The following NBPF10 variants were observed in gnomAD, a reference collection of about 807,000 sequenced individuals.
NBPF10 encodes NBPF member 10.
NBPF10 carries 63 observed loss-of-function variants against 77.9 expected under a neutral mutation model. The observed-to-expected ratio is 0.81, with a 90% CI of 0.66 to 1.00. The LOEUF is 1.00. NBPF10 is among the 50% of genes least tolerant of loss of function. The pLI is 0.00. For synonymous variants in NBPF10, 146 were observed against 264.5 expected, an observed-to-expected ratio of 0.55 and a Z score of 4.35; for missense variants, 522 against 679.8, an observed-to-expected ratio of 0.77 and a Z score of 2.58.
intron 89 of NBPF10, 145 bp from the exon 90 acceptor site, chr1:146,066,706 C>A (rs868973184): frequency 8.6e-6 from 5 of 582,394 alleles, no homozygotes; most frequent in African/African-American, 7.7e-5. Context: ...AATTTATTGC[C>A]TTTATGTTGG....
At chr1:146,126,463 G>T in intron 13 of NBPF10, 55 bp from the exon 14 acceptor site, 5 of 778,558 alleles carry the variant, frequency 6.4e-6, no homozygotes, top group Admixed American at 3.6e-5. Flanking sequence ...AAACCACACA[G>T]CCCCAGCTAG....
At chr1:146,069,311 G>T (rs1553779213) in intron 86 of NBPF10, among the ~76,000 whole-genome samples, 1 of 91,624 alleles carries the variant, frequency 1.1e-5, no homozygotes, top group Admixed American at 1.1e-4. Flanking sequence ...CTTGAGAGTA[G>T]GATTAGGGCG....
At chr1:146,135,719 T>C (rs4143502) in intron 7 of NBPF10, among the ~76,000 whole-genome samples, 198 bp from the exon 8 acceptor site, 23 of 145,088 alleles carry the variant, frequency 1.6e-4, no homozygotes, top group South Asian at 7.0e-4. Context: ...GAGAGGGCTC[T>C]TGCAAGATCC....
At chr1:146,139,095 T>A (rs1295934894) in intron 5 of NBPF10, among the ~76,000 whole-genome samples, 36 of 25,134 alleles carry the variant, frequency 1.4e-3, no homozygotes, top group African/African-American at 3.1e-3. Flanking sequence ...AGACTTACTT[T>A]TTTTTTTTTT....
In NBPF10 at chr1:146,123,101, C is replaced by T; in HGVS notation, c.2476+5G>A. 6.7e-5 allele frequency: 1 copy of T among 14,822 alleles called. No individual in the cohort carries two copies. Among genetic ancestry groups the T allele is most frequent in the Non-Finnish European group, 1.4e-4 (1 of 7,180 alleles). The allele number at this position is 14,822 out of a possible 1,614,324, so 0.9% of individuals were successfully genotyped here. A position where few individuals can be genotyped will look rare whatever the true frequency, so the allele number is the denominator to read the frequency against. ...TTCTTATCACCTTCATAGAAAGGTA[C>T]TCACCTCCCACGTCAAGAGAAAAGC... is the stretch of plus-strand genomic sequence containing the variant. On this transcript the variant is annotated splice_donor_5th_base_variant and intron_variant, in intron 18 of 89. Transcript: ENST00000583866.
At chr1:146,066,617 C>T (rs1157558628) in intron 89 of NBPF10, 56 bp from the exon 90 acceptor site, 6 of 533,726 alleles carry the variant, frequency 1.1e-5, no homozygotes, top group African/African-American at 6.9e-5. Flanking sequence ...CACCACAGAG[C>T]CCCAGCTAGA....
At chr1:146,123,565 C>T (rs1209370622) in intron 17 of NBPF10, among the ~76,000 whole-genome samples, 135 of 100,912 alleles carry the variant, frequency 1.3e-3, no homozygotes, top group Middle Eastern at 4.5e-3. Context: ...GTCCAGGTGA[C>T]GCACTGATGA....
At chr1:146,126,305 A>T (rs782809264) in exon 14 of NBPF10, 2 of 1,565,524 alleles carry the variant, frequency 1.3e-6, no homozygotes, top group African/African-American at 2.7e-5. Context: ...TAGGGCTGGC[A>T]TGAGTCAGTC....
At position 146,121,827 on chromosome 1, in the gene NBPF10, C is replaced by T. The variant is rs1320359406; in HGVS notation, c.2586-157G>A. 7.4e-5 allele frequency among the ~76,000 whole-genome samples: 11 copies of T among 149,370 alleles called. No individual in the cohort carries two copies. The East Asian group carries it at 2.3e-3, about 31-fold the overall frequency. ...TTATTGCCTTTATGTTGGGATAGAA[C>T]AGGGCCAGGTAGAAAACAATGAAAG... On this transcript the variant is annotated intron_variant, in intron 19 of 89. Transcript: ENST00000583866.
At chr1:146,125,798 T>G (rs1658533282) in intron 14 of NBPF10, among the ~76,000 whole-genome samples, 4 of 147,834 alleles carry the variant, frequency 2.7e-5, no homozygotes, top group Admixed American at 1.3e-4. Context: ...CCAATCGATT[T>G]AAAGCAAATG....
intron 11 of NBPF10, 83 bp from the exon 12 acceptor site, chr1:146,128,365 G>A (rs1658961505): frequency 1.2e-5 from 4 of 332,786 alleles, no homozygotes; most frequent in East Asian, 5.0e-5. Context: ...GATCTGATGG[G>A]AGACAGAATG....
At chr1:146,138,915 T>G (rs1160555805) in intron 5 of NBPF10, among the ~76,000 whole-genome samples, 97 of 127,962 alleles carry the variant, frequency 7.6e-4, no homozygotes, top group Admixed American at 1.5e-3. Context: ...CTGCCAAGCA[T>G]CTGGGATTAC....
intron 89 of NBPF10, among the ~76,000 whole-genome samples, chr1:146,066,763 G>C (rs1352388263): frequency 5.3e-5 from 8 of 151,886 alleles, no homozygotes; most frequent in East Asian, 1.9e-4. Flanking sequence ...AAGACAGAGA[G>C]AGAGAGACAG....
chr1:146,076,304 G>A (rs1489760682), intron 77 of NBPF10, among the ~76,000 whole-genome samples: 1 of 2,826 alleles, frequency 3.5e-4, no homozygotes, highest in African/African-American at 7.7e-4. Flanking sequence ...CACACACACA[G>A]AGAGAGAGAG....
At chr1:146,123,497 C>A (rs1483169565) in intron 17 of NBPF10, among the ~76,000 whole-genome samples, 1 of 95,722 alleles carries the variant, frequency 1.0e-5, no homozygotes, top group African/African-American at 5.2e-5. Flanking sequence ...CACACACACA[C>A]ACACACACAC....
intron 89 of NBPF10, among the ~76,000 whole-genome samples, 190 bp from the exon 90 acceptor site, chr1:146,066,751 G>C (rs201129042): frequency 3.4e-5 from 5 of 149,164 alleles, no homozygotes; most frequent in Non-Finnish European, 7.5e-5. Context: ...CAATGAAAGA[G>C]AAAGACAGAG....
intron 88 of NBPF10, among the ~76,000 whole-genome samples, chr1:146,067,773 C>G (rs113849871): frequency 0.36 from 54,699 of 150,798 alleles, 11,433 homozygotes; most frequent in South Asian, 0.47. Context: ...AGAATAGGAT[C>G]AGGGCGCCAC....
At chr1:146,126,621 A>T (rs1220459485) in intron 13 of NBPF10, among the ~76,000 whole-genome samples, 4 of 143,650 alleles carry the variant, frequency 2.8e-5, no homozygotes, top group Non-Finnish European at 6.3e-5. Flanking sequence ...ACACACACAC[A>T]CACACACACA....
At chr1:146,067,767 T>A (rs1571104876) in intron 88 of NBPF10, among the ~76,000 whole-genome samples, 1 of 151,290 alleles carries the variant, frequency 6.6e-6, no homozygotes, top group African/African-American at 2.4e-5. Context: ...GTCATGAGAA[T>A]AGGATCAGGG....
Sources: gnomAD v4.1 joint callset for allele counts (sites outside exome capture counted in the v4.1 genomes callset) on GRCh38, gnomAD v4.1.1 for gene constraint, MANE v1.5 for transcripts, NCBI Gene and HGNC (gene_info 2026-07-23, HGNC 2026-07-21) for gene names.